HERC1: variants seen among roughly 807,000 people sequenced by gnomAD.
The protein encoded by HERC1 is probable E3 ubiquitin-protein ligase HERC1.
HERC1 carries 160 observed loss-of-function variants against 554.3 expected under a neutral mutation model. The observed-to-expected ratio is 0.29, with a 90% CI of 0.25 to 0.33. The LOEUF (loss-of-function observed/expected upper bound fraction) is 0.33, where lower values mean the gene tolerates loss of function less well. Among genes scored for constraint, HERC1 ranks in the 10% least tolerant of loss-of-function variants. The probability of loss-of-function intolerance (pLI) is 1.00; values close to 1 mark genes in which losing one functional copy is unlikely to be tolerated. For missense variants in HERC1, 4,919 were observed against 5,918.5 expected (o/e 0.83, Z 5.54); for synonymous variants, 2,175 against 2,131.7 (o/e 1.02, Z -0.56).
intron 76 of HERC1, among the ~76,000 whole-genome samples, chr15:63,614,995 G>C (rs1473131900): frequency 6.6e-6 from 1 of 152,226 alleles, no homozygotes; most frequent in Non-Finnish European, 1.5e-5. Flanking sequence ...GTGTGTGCAG[G>C]AGATGCCCTC....
Position 63,694,713 on chromosome 15 carries a change from T to C in HERC1, c.5242+61A>G. On this transcript the variant is annotated intron_variant, in intron 28 of 77. Coordinates refer to ENST00000443617, the MANE Select transcript of HERC1 (RefSeq NM_003922.4). This position sits in a 1 kb window ranked among gnomAD's most constrained non-coding sequence, Gnocchi z 4.3. The stretch of plus-strand genomic sequence containing the variant: ...AACACAAAATATAGAACATAACTAG[T>C]ACCATAACCTCGGGCTAAAATGTAA... The C allele has an allele frequency of 1.2e-6, 2 of 1,602,514 alleles. No homozygotes were observed. Among genetic ancestry groups the C allele is most frequent in the Non-Finnish European group, 1.7e-6 (2 of 1,169,484 alleles).
chr15:63,674,501 G>C lies in HERC1; in HGVS notation c.7687C>G (p.Leu2563Val). 2.5e-6 allele frequency: 4 copies of C among 1,613,778 alleles called. No individual in the cohort carries two copies. Among genetic ancestry groups the C allele is most frequent in the Non-Finnish European group, 3.4e-6 (4 of 1,179,812 alleles). ...VHEDVEMRAA[L>V]QFLMRHMVKR... The stretch of plus-strand genomic sequence containing the variant: ...ACCATGTGTCGCATCAAGAACTGCA[G>C]GGCTGCTCGCATCTCCACGTCTTCA... Residue 2563 changes from leucine to valine, a missense_variant, in exon 38 of 78, where the codon CTG becomes GTG. Physicochemically the swap from Leu to Val is conservative, Grantham distance 32. This residue lies in a region of HERC1 where 1,963 missense variants were observed against 2,228.6 expected (regional missense o/e 0.88). Coordinates refer to ENST00000443617, the MANE Select transcript of HERC1 (RefSeq NM_003922.4).
intron 25 of HERC1, 129 bp from the exon 26 acceptor site, chr15:63,699,125 C>A: frequency 1.3e-6 from 1 of 775,214 alleles, no homozygotes; most frequent in South Asian, 2.0e-5. Context: ...TGAATACGCG[C>A]ATGCATTAAG....
At chr15:63,744,164 G>GTCTCTC (rs71464534) in intron 12 of HERC1, among the ~76,000 whole-genome samples, 8 of 46,308 alleles carry the variant, frequency 1.7e-4, no homozygotes, top group South Asian at 6.3e-4. Flanking sequence ...GTGTGTGTGT[G>GTCTCTC]TCTCTCTCTC....
chr15:63,654,088 G>A, intron 51 of HERC1, 31 bp downstream of exon 51: 1 of 1,535,188 alleles, frequency 6.5e-7, no homozygotes, highest in Non-Finnish European at 9.0e-7. Context: ...TACATAACGT[G>A]ATTAACACAC....
Position 63,615,911 on chromosome 15 carries a change from G to C in HERC1, c.13951C>G (p.Leu4651Val). 1 of 1,593,414 alleles carries C rather than the reference G, an allele frequency of 6.3e-7. No individual in the cohort carries two copies. Among genetic ancestry groups the C allele is most frequent in the Non-Finnish European group, 8.5e-7 (1 of 1,171,970 alleles). The change falls in exon 76 of 78, where the codon CTT becomes GTT. Residue 4651 changes from leucine (L) to valine (V), a missense_variant. By Grantham distance (32) the Leu-to-Val change is conservative. Coordinates refer to ENST00000443617, the MANE Select transcript of HERC1 (RefSeq NM_003922.4). The stretch of plus-strand genomic sequence containing the variant: ...GCACTCTGGCCAACAAAAGAATCAA[G>C]AGGAATCATCTAGGAACAGAAGAAA... ...TEESFHEMIP[L>V]DSFVGQSADG...
chr15:63,778,144 A>G (rs2076167249), intron 1 of HERC1, among the ~76,000 whole-genome samples: 1 of 152,246 alleles, frequency 6.6e-6, no homozygotes, highest in African/African-American at 2.4e-5. Flanking sequence ...AATTGTAAAT[A>G]AAAAAGAGAA....
chr15:63,779,578 C>T (rs1257452666), intron 1 of HERC1: 1 of 152,184 alleles, frequency 6.6e-6, no homozygotes, highest in African/African-American at 2.4e-5. Context: ...AACAAAATAA[C>T]TCACTTTTCC....
At chr15:63,659,334 C>T (rs1000445664) in intron 47 of HERC1, among the ~76,000 whole-genome samples, 1 of 152,154 alleles carries the variant, frequency 6.6e-6, no homozygotes, top group Non-Finnish European at 1.5e-5. Context: ...TCACCATAAC[C>T]TCAAACTCCT....
chr15:63,626,182 G>C, intron 70 of HERC1, 28 bp from the exon 71 acceptor site: 1 of 1,605,136 alleles, frequency 6.2e-7, no homozygotes. Context: ...GGGCACTTAT[G>C]AAGGAAACAG....
intron 2 of HERC1, among the ~76,000 whole-genome samples, chr15:63,772,328 T>C (rs891359110): frequency 2.6e-4 from 39 of 152,170 alleles, no homozygotes; most frequent in Admixed American, 9.2e-4. Context: ...TCAAGGTAAC[T>C]AGCATTTTGT....
At chr15:63,767,986 CAT>C (rs928059694) in intron 2 of HERC1, among the ~76,000 whole-genome samples, 15 of 152,236 alleles carry the variant, frequency 9.9e-5, no homozygotes, top group South Asian at 4.2e-4. Context: ...TTCCTGTTGT[CAT>C]AGTCTCCGTT....
intron 37 of HERC1, among the ~76,000 whole-genome samples, chr15:63,675,846 G>T (rs1358697362): frequency 6.6e-6 from 1 of 151,032 alleles, no homozygotes; most frequent in Non-Finnish European, 1.5e-5. Flanking sequence ...TTTTCCTCTA[G>T]GCTCATTTTT....
In HERC1 at chr15:63,638,701, C is replaced by T; in HGVS notation, c.11967+10G>A. On this transcript the variant is annotated intron_variant, in intron 62 of 77. Transcript: ENST00000443617. ...AGAACCATCATACAGTTATCTTCAT[C>T]TTTACTGACCTCAGGTCTGGAAGTT... The T allele has an allele frequency of 6.2e-7, 1 of 1,608,940 alleles. No homozygotes were observed. Among genetic ancestry groups the T allele is most frequent in the Non-Finnish European group, 8.5e-7 (1 of 1,175,332 alleles).
chr15:63,800,547 T>C (rs766685599), intron 1 of HERC1, among the ~76,000 whole-genome samples: 18 of 152,222 alleles, frequency 1.2e-4, no homozygotes, highest in Non-Finnish European at 2.5e-4. Context: ...ACAGTATCAC[T>C]AGCTGAATTA....
chr15:63,799,357 A>G (rs978532643), intron 1 of HERC1, among the ~76,000 whole-genome samples: 4 of 152,042 alleles, frequency 2.6e-5, no homozygotes, highest in African/African-American at 7.2e-5. Context: ...AAAATTAGCC[A>G]GGCATGGTGG....
At chr15:63,622,718 G>A in intron 74 of HERC1, 97 bp downstream of exon 74, 2 of 834,242 alleles carry the variant, frequency 2.4e-6, no homozygotes, top group Non-Finnish European at 3.7e-6. Context: ...TAGGTGTAAA[G>A]CACTTAAAAC....
rs770314723 is a variant in HERC1 at position 63,656,132 on chromosome 15, T to C, written c.9826A>G (p.Asn3276Asp). The C allele has an allele frequency of 1.9e-6, 3 of 1,612,774 alleles. No homozygotes were observed. Among genetic ancestry groups the C allele is most frequent in the African/African-American group, 2.7e-5 (2 of 74,934 alleles). The change falls in exon 49 of 78, where the codon AAT (asparagine) becomes GAT (aspartate). Residue 3276 changes from asparagine (N) to aspartate (D), a missense_variant. Around this residue, in one of 11 missense-constraint regions of HERC1, gnomAD observed 1,963 missense variants for 2,228.6 expected, o/e 0.88. Transcript: ENST00000443617. ...LSTAVGCLAS[N>D]APSAAKLLVQ... ...AGCAGTTTGGCAGCACTAGGAGCAT[T>C]TGATGCCAGACATCCCACTGCTGTG...
chr15:63,734,958 A>T lies in HERC1; in HGVS notation c.2521-109T>A. 2 of 902,800 alleles carry T rather than the reference A, an allele frequency of 2.2e-6. No homozygotes were observed. Among genetic ancestry groups the T allele is most frequent in the East Asian group, 5.9e-5 (2 of 34,126 alleles). 55.9% of individuals were successfully genotyped at this position (902,800 alleles called of 1,614,324 possible). ...CTAGGATCATGTAAGTCTAAAAAAG[A>T]TGGCATGATAAAAAAGAAAGCATGC... On this transcript the variant is annotated intron_variant, in intron 12 of 77. Coordinates refer to ENST00000443617, the MANE Select transcript of HERC1 (RefSeq NM_003922.4). The surrounding 1 kb of genome is among the most constrained non-coding windows in gnomAD (Gnocchi z 4.6).
Sources: allele counts gnomAD v4.1 joint callset (sites outside exome capture counted in the v4.1 genomes callset), GRCh38; gene constraint gnomAD v4.1.1; regional missense constraint gnomAD v4.1.1; non-coding constraint Gnocchi (gnomAD v3.1); transcripts MANE v1.5; gene names NCBI Gene and HGNC (gene_info 2026-07-23, HGNC 2026-07-21).